Variants in LNX1 observed in about 807,000 individuals in gnomAD.
LNX1 encodes E3 ubiquitin-protein ligase LNX.
LNX1 carries 54 observed loss-of-function variants against 68.4 expected under a neutral mutation model. The observed-to-expected ratio is 0.79, with a 90% confidence interval of 0.63 to 0.99. LNX1 has a LOEUF of 0.99. LNX1 is among the 50% of genes least tolerant of loss of function. The probability of loss-of-function intolerance (pLI) is 0.00; values close to 1 mark genes in which losing one functional copy is unlikely to be tolerated. For synonymous variants in LNX1, 336 were observed against 350.0 expected (o/e 0.96, Z 0.45); for missense variants, 906 against 926.4 (o/e 0.98, Z 0.29).
At chr4:53,529,306 T>G (rs1727858507) in intron 2 of LNX1, among the ~76,000 whole-genome samples, 1 of 152,094 alleles carries the variant, frequency 6.6e-6, no homozygotes, top group South Asian at 2.1e-4. Flanking sequence ...AGAATCTGCC[T>G]GGGAGCAGGC....
At chr4:53,528,181 A>G (rs772592427) in intron 2 of LNX1, among the ~76,000 whole-genome samples, 2 of 152,216 alleles carry the variant, frequency 1.3e-5, no homozygotes, top group Non-Finnish European at 2.9e-5. Flanking sequence ...AAGAACTGTC[A>G]ATCAATCATT....
chr4:53,642,997 C>T (rs1734744707), intron 1 of LNX1, among the ~76,000 whole-genome samples: 1 of 152,128 alleles, frequency 6.6e-6, no homozygotes. Flanking sequence ...TGACTGGAGA[C>T]ATTTTTGGTT....
intron 9 of LNX1, among the ~76,000 whole-genome samples, chr4:53,468,952 A>C (rs2150565970): frequency 6.6e-6 from 1 of 152,318 alleles, no homozygotes; most frequent in East Asian, 1.9e-4. Context: ...GTTAACAAGG[A>C]TATCCAGGAA....
intron 1 of LNX1, among the ~76,000 whole-genome samples, chr4:53,579,741 T>TC (rs534312504): frequency 4.2e-4 from 64 of 152,320 alleles, no homozygotes; most frequent in Non-Finnish European, 8.1e-4. Context: ...TGTGCTGTTG[T>TC]CCTGCTAATT....
At chr4:53,623,990 G>C (rs1480843461) in intron 1 of LNX1, among the ~76,000 whole-genome samples, 1 of 151,330 alleles carries the variant, frequency 6.6e-6, no homozygotes, top group African/African-American at 2.5e-5. Flanking sequence ...AAAGAATATA[G>C]GTTTTTGTGA....
chr4:53,482,607 G>A (rs1408636801), intron 6 of LNX1, among the ~76,000 whole-genome samples: 2 of 152,178 alleles, frequency 1.3e-5, no homozygotes, highest in African/African-American at 2.4e-5. Context: ...ACAGAGGAAT[G>A]GAAAATCAAA....
chr4:53,557,562 G>A (rs1396581658), intron 2 of LNX1, among the ~76,000 whole-genome samples: 2 of 151,482 alleles, frequency 1.3e-5, no homozygotes, highest in Non-Finnish European at 2.9e-5. Context: ...CTGCTCTTCA[G>A]TTCTATTTAC....
chr4:53,648,744 C>T (rs1734982757), intron 1 of LNX1, among the ~76,000 whole-genome samples: 1 of 152,206 alleles, frequency 6.6e-6, no homozygotes, highest in African/African-American at 2.4e-5. Context: ...CCACTAAGTC[C>T]TATGGCAAAT....
At chr4:53,602,716 A>C (rs565287703) in intron 2 of LNX1, 1 of 152,384 alleles carries the variant, frequency 6.6e-6, no homozygotes, top group Non-Finnish European at 1.5e-5. Flanking sequence ...GTTTCAAGGA[A>C]TGAAAAACAC....
chr4:53,632,185 G>A (rs1734304546), intron 1 of LNX1, among the ~76,000 whole-genome samples: 1 of 152,260 alleles, frequency 6.6e-6, no homozygotes. Context: ...CCGCTGCGGT[G>A]GCCAGGTCTT....
intron 2 of LNX1, among the ~76,000 whole-genome samples, chr4:53,553,919 C>A (rs1368508288): frequency 6.6e-6 from 1 of 152,146 alleles, no homozygotes; most frequent in Non-Finnish European, 1.5e-5. Flanking sequence ...TGAGACTGAC[C>A]CTGTATAGCA....
At chr4:53,639,836 T>C (rs548361548) in intron 1 of LNX1, among the ~76,000 whole-genome samples, 2 of 152,204 alleles carry the variant, frequency 1.3e-5, no homozygotes, top group African/African-American at 4.8e-5. Flanking sequence ...ATTTGAGACC[T>C]GCCTGAGCAA....
intron 6 of LNX1, 56 bp downstream of exon 6, chr4:53,495,967 A>C: frequency 1.3e-6 from 2 of 1,566,406 alleles, no homozygotes; most frequent in Middle Eastern, 4.5e-4. Context: ...GGGGATGTGC[A>C]TTCTTGCTCA....
chr4:53,605,131 C>T (rs934459778), intron 2 of LNX1, among the ~76,000 whole-genome samples: 3 of 152,002 alleles, frequency 2.0e-5, no homozygotes, highest in Non-Finnish European at 2.9e-5. Context: ...CAAGGCCCAC[C>T]CAGATGAAAA....
At chr4:53,588,601 C>G (rs2109815041) in intron 1 of LNX1, among the ~76,000 whole-genome samples, 1 of 152,264 alleles carries the variant, frequency 6.6e-6, no homozygotes, top group South Asian at 2.1e-4. Context: ...GTCAGTCTGA[C>G]CTACCCACCT....
At position 53,466,408 on chromosome 4, in the gene LNX1, G is replaced by A. The variant is rs564690377; in HGVS notation, c.1893-4815C>T. 2.4e-4 allele frequency among the ~76,000 whole-genome samples: 36 copies of A among 152,328 alleles called. No individual in the cohort carries two copies. The South Asian group carries it at 7.3e-3, about 31-fold the overall frequency. On this transcript the variant is annotated intron_variant, in intron 9 of 10. Coordinates refer to ENST00000263925, the MANE Select transcript of LNX1 (RefSeq NM_001126328.3). ...GAACAGCTCCAGTCTACAGCTCCCA[G>A]CGTGAGTGATGCAGAAGATGGGTGA...
chr4:53,462,012 T>G (rs188757992), intron 9 of LNX1, among the ~76,000 whole-genome samples: 31 of 152,092 alleles, frequency 2.0e-4, no homozygotes, highest in Admixed American at 1.6e-3. Context: ...TTGAATAATC[T>G]CAATGAAAGC....
chr4:53,595,918 G>C (rs1261672009), upstream of LNX1, among the ~76,000 whole-genome samples: 1 of 151,900 alleles, frequency 6.6e-6, no homozygotes, highest in Non-Finnish European at 1.5e-5. Context: ...ATGATTGAAT[G>C]CCACAATTAA....
At chr4:53,514,536 A>T (rs1726604120) in intron 2 of LNX1, among the ~76,000 whole-genome samples, 1 of 152,122 alleles carries the variant, frequency 6.6e-6, no homozygotes, top group Non-Finnish European at 1.5e-5. Flanking sequence ...ATCTTGTGAG[A>T]CTTATTCACT....
Sources: gnomAD v4.1 joint callset for allele counts (sites outside exome capture counted in the v4.1 genomes callset) on GRCh38, gnomAD v4.1.1 for gene constraint, MANE v1.5 for transcripts, NCBI Gene and HGNC (gene_info 2026-07-23, HGNC 2026-07-21) for gene names.